NAV2: variants seen among roughly 807,000 people sequenced by gnomAD.
The protein encoded by NAV2 is neuron navigator 2.
NAV2 carries 54 observed loss-of-function variants against 223.2 expected under a neutral mutation model. The ratio of observed to expected loss-of-function variants is 0.24; its 90% CI spans 0.19 to 0.30. NAV2 has a LOEUF of 0.30. Among genes scored for constraint, NAV2 ranks in the 10% least tolerant of loss-of-function variants. NAV2 has a pLI of 1.00. For missense variants in NAV2, 2,806 were observed against 3,147.5 expected (o/e 0.89, Z 2.60); for synonymous variants, 1,279 against 1,239.3 (o/e 1.03, Z -0.67).
intron 1 of NAV2, among the ~76,000 whole-genome samples, chr11:19,636,951 T>A (rs2047519288): frequency 1.3e-5 from 2 of 152,190 alleles, no homozygotes; most frequent in African/African-American, 2.4e-5. Flanking sequence ...GTGCTGAAAA[T>A]TAAAAATATT....
intron 1 of NAV2, among the ~76,000 whole-genome samples, chr11:19,676,153 T>A (rs191946966): frequency 6.6e-6 from 1 of 152,282 alleles, no homozygotes; most frequent in African/African-American, 2.4e-5. Context: ...TTCTTCCCTG[T>A]CCCTTCCTCC....
At chr11:19,819,817 G>A (rs7944986) in intron 1 of NAV2, among the ~76,000 whole-genome samples, 109,457 of 152,174 alleles carry the variant, frequency 0.72, 42,892 homozygotes, top group East Asian at 0.89. Context: ...AGAGAGTGGT[G>A]GATTGCCCAA....
At chr11:19,347,730 G>A (rs909622481), upstream of NAV2, among the ~76,000 whole-genome samples, 3 of 152,128 alleles carry the variant, frequency 2.0e-5, no homozygotes, top group African/African-American at 7.2e-5. Flanking sequence ...GCTGCATTTA[G>A]GGATCAATCC....
intron 11 of NAV2, 51 bp downstream of exon 11, chr11:19,984,298 G>A (rs760793167): frequency 3.1e-6 from 5 of 1,606,274 alleles, no homozygotes; most frequent in Non-Finnish European, 2.5e-6. Flanking sequence ...ATCCCAGGGG[G>A]GCCCTGAGAA....
intron 6 of NAV2, among the ~76,000 whole-genome samples, chr11:19,907,898 G>A (rs1041588320): frequency 6.6e-6 from 1 of 152,202 alleles, no homozygotes; most frequent in Non-Finnish European, 1.5e-5. Flanking sequence ...ATTGCTGGGG[G>A]CTGGTGACTA....
At chr11:19,767,715 C>T (rs988228642) in intron 1 of NAV2, among the ~76,000 whole-genome samples, 4 of 152,184 alleles carry the variant, frequency 2.6e-5, no homozygotes, top group Admixed American at 2.0e-4. Context: ...TGCAGATGAG[C>T]GAGCAGGGCA....
chr11:20,028,003 A>G (rs1237939718), intron 11 of NAV2, among the ~76,000 whole-genome samples: 2 of 152,234 alleles, frequency 1.3e-5, no homozygotes, highest in African/African-American at 4.8e-5. Context: ...CAGGACCATT[A>G]CAGATTCTTG....
At chr11:19,453,295 A>G (rs1851852472) in intron 1 of NAV2, among the ~76,000 whole-genome samples, 1 of 152,188 alleles carries the variant, frequency 6.6e-6, no homozygotes, top group Non-Finnish European at 1.5e-5. Flanking sequence ...AAATGAGGCA[A>G]AGCAAAATAC....
intron 6 of NAV2, among the ~76,000 whole-genome samples, chr11:19,908,142 C>T (rs1034620755): frequency 6.6e-6 from 1 of 152,252 alleles, no homozygotes; most frequent in African/African-American, 2.4e-5. Context: ...CCCCTCAGAT[C>T]ACCTTCTCAG....
At chr11:19,616,513 G>A (rs1164113377) in intron 1 of NAV2, among the ~76,000 whole-genome samples, 1 of 152,096 alleles carries the variant, frequency 6.6e-6, no homozygotes, top group African/African-American at 2.4e-5. Context: ...CGCGGAGCAG[G>A]GAGAGTTGGG....
At chr11:20,113,777 G>A (rs983464998) in intron 36 of NAV2, among the ~76,000 whole-genome samples, 14 of 152,134 alleles carry the variant, frequency 9.2e-5, no homozygotes, top group Admixed American at 9.2e-4. Flanking sequence ...GGGAGACCAA[G>A]GCACGAGGAT....
chr11:19,838,044 A>G (rs1304011464), intron 2 of NAV2, among the ~76,000 whole-genome samples: 1 of 152,188 alleles, frequency 6.6e-6, no homozygotes, highest in Non-Finnish European at 1.5e-5. Context: ...AAAGGAGGGG[A>G]GGAGAGGGAG....
chr11:19,966,956 G>GTGC (rs774115662), intron 10 of NAV2, among the ~76,000 whole-genome samples: 19 of 152,260 alleles, frequency 1.2e-4, no homozygotes, highest in East Asian at 3.9e-4. Context: ...AGTAGGAGCA[G>GTGC]TGCTGCTGCT....
chr11:19,502,229 C>A (rs1473301329), intron 1 of NAV2, among the ~76,000 whole-genome samples: 1 of 152,152 alleles, frequency 6.6e-6, no homozygotes. Context: ...CTGCTCTGCT[C>A]CCCTCCAACT....
rs372714468 is a variant in NAV2 at position 19,536,891 on chromosome 11, G to C, written c.75+185864G>C. On this transcript the variant is annotated intron_variant, in intron 1 of 37. Transcript: ENST00000360655. ...GATCATAGTCAGACTAGAGGGACATGAACTTGGGCACAAACATCTTTTCCA... is the reference window on the plus strand; with the variant it reads ...GATCATAGTCAGACTAGAGGGACATCAACTTGGGCACAAACATCTTTTCCA... Among the ~76,000 whole-genome samples the C allele has an allele frequency of 4.6e-5, 7 of 152,236 alleles. 1 individual carries two copies. In the East Asian group the frequency reaches 7.7e-4, roughly 17 times the overall value.
chr11:19,984,176 C>A lies in NAV2; in HGVS notation c.2697C>A (p.Leu899=). Residue 899 remains leucine, a synonymous_variant, in exon 11 of 38, where the codon CTC becomes CTA. Transcript: ENST00000349880. ...LGLYTRRLNR[L]PDGMAVVRET... Reference sequence around the variant, plus strand: ...TCTATACCCGTCGCCTGAACCGGCTCCCTGATGGGATGGCTGTGGTACGGG... The same window carrying A: ...TCTATACCCGTCGCCTGAACCGGCTACCTGATGGGATGGCTGTGGTACGGG... 1.2e-6 allele frequency: 2 copies of A among 1,614,158 alleles called. No individual in the cohort carries two copies. Among genetic ancestry groups the A allele is most frequent in the South Asian group, 2.2e-5 (2 of 91,072 alleles).
chr11:19,928,703 G>T (rs2153234058), intron 6 of NAV2, among the ~76,000 whole-genome samples: 1 of 152,280 alleles, frequency 6.6e-6, no homozygotes, highest in East Asian at 1.9e-4. Flanking sequence ...AGCTGCAGGG[G>T]TCGTCTCAGA....
chr11:19,993,665 C>T (rs1173830468), intron 11 of NAV2, among the ~76,000 whole-genome samples: 2 of 152,136 alleles, frequency 1.3e-5, no homozygotes, highest in African/African-American at 4.8e-5. Flanking sequence ...GGCATTATGC[C>T]ACCCAGTCTG....
chr11:19,552,699 A>G (rs187863141), intron 1 of NAV2, among the ~76,000 whole-genome samples: 66 of 152,300 alleles, frequency 4.3e-4, no homozygotes, highest in African/African-American at 1.6e-3. Flanking sequence ...AGAGAAAGTG[A>G]AAAAAAGATT....
Sources: gnomAD v4.1 joint callset for allele counts (sites outside exome capture counted in the v4.1 genomes callset) on GRCh38, gnomAD v4.1.1 for gene constraint, MANE v1.5 for transcripts, NCBI Gene and HGNC (gene_info 2026-07-23, HGNC 2026-07-21) for gene names.